GRIN2A: variants seen among roughly 807,000 people sequenced by gnomAD.
GRIN2A encodes the protein glutamate ionotropic receptor NMDA type subunit 2A, also known as glutamate receptor ionotropic, NMDA 2A.
In GRIN2A, 22 loss-of-function variants were observed where a neutral mutation model predicts 113.4. That is an observed-to-expected ratio of 0.19 (90% CI 0.14 to 0.28). The LOEUF is 0.28. GRIN2A is among the 10% of genes least tolerant of loss of function. GRIN2A has a pLI of 1.00. For missense variants in GRIN2A, 1,502 were observed against 1,887.0 expected, an observed-to-expected ratio of 0.80 and a Z score of 3.78; for synonymous variants, 827 against 738.4, an observed-to-expected ratio of 1.12 and a Z score of -1.94.
chr16:10,163,560 C>A (rs909228121), intron 2 of GRIN2A, among the ~76,000 whole-genome samples: 30 of 152,148 alleles, frequency 2.0e-4, no homozygotes, highest in African/African-American at 6.8e-4. Flanking sequence ...TGAAATGCTT[C>A]CGTTTTGCTT....
intron 2 of GRIN2A, among the ~76,000 whole-genome samples, chr16:9,943,596 C>G (rs2044943459): frequency 6.6e-6 from 1 of 152,142 alleles, no homozygotes; most frequent in Admixed American, 6.5e-5. Flanking sequence ...TCTCTTTGAT[C>G]CTAACTACTC....
In GRIN2A at chr16:9,998,707, A is replaced by G. The variant is rs118181673; in HGVS notation, c.415-60156T>C. On this transcript the variant is annotated intron_variant, in intron 2 of 12. Transcript: ENST00000330684. The stretch of plus-strand genomic sequence containing the variant: ...TATCTCTATGTATCTTTCTCAACTA[A>G]TTTCAGAATCAGTCTCACTCTTCTC... 9.8e-3 allele frequency among the ~76,000 whole-genome samples: 1,482 copies of G among 151,910 alleles called. 11 individuals carry two copies. The highest frequency in any genetic ancestry group is 0.016 in the Non-Finnish European group (1,079 of 67,924).
intron 10 of GRIN2A, among the ~76,000 whole-genome samples, chr16:9,807,550 CATCTAGCTGT>C (rs1359620954): frequency 6.6e-6 from 1 of 152,090 alleles, no homozygotes; most frequent in Non-Finnish European, 1.5e-5. Flanking sequence ...TGTCCAAGTC[CATCTAGCTGT>C]AAGTACTTTG....
chr16:9,788,021 C>T (rs749413200), intron 11 of GRIN2A, among the ~76,000 whole-genome samples: 2 of 152,106 alleles, frequency 1.3e-5, no homozygotes, highest in Admixed American at 6.6e-5. Context: ...ACACCGGAGC[C>T]GAGGAGAAGC....
intron 3 of GRIN2A, among the ~76,000 whole-genome samples, chr16:9,919,942 C>A (rs1208913246): frequency 6.6e-6 from 1 of 152,216 alleles, no homozygotes; most frequent in Non-Finnish European, 1.5e-5. Context: ...CAGGTATCTG[C>A]CAAATTTCAC....
chr16:10,080,104 C>T (rs1355778592), intron 2 of GRIN2A, among the ~76,000 whole-genome samples: 5 of 152,120 alleles, frequency 3.3e-5, no homozygotes, highest in African/African-American at 1.2e-4. Flanking sequence ...TTAATAAATG[C>T]CAATTACTGT....
At chr16:9,899,409 T>C (rs11649106) in intron 3 of GRIN2A, among the ~76,000 whole-genome samples, 41,538 of 124,598 alleles carry the variant, frequency 0.33, 8,073 homozygotes, top group African/African-American at 0.59. Flanking sequence ...CATTGCACTC[T>C]AGCCTGGGCA....
chr16:10,030,098 C>CAT (rs1892653916), intron 2 of GRIN2A, among the ~76,000 whole-genome samples: 1 of 152,110 alleles, frequency 6.6e-6, no homozygotes, highest in Admixed American at 6.6e-5. Flanking sequence ...AAAGCAAGCA[C>CAT]GGGCTATGTG....
intron 2 of GRIN2A, among the ~76,000 whole-genome samples, chr16:9,939,035 T>A (rs1394140138): frequency 2.0e-5 from 3 of 152,224 alleles, no homozygotes. Context: ...TGAGTTTCTA[T>A]GTTCATTTAA....
intron 2 of GRIN2A, among the ~76,000 whole-genome samples, chr16:10,020,243 C>T (rs1318543419): frequency 6.6e-6 from 1 of 152,166 alleles, no homozygotes; most frequent in African/African-American, 2.4e-5. Context: ...AAAACCCCAT[C>T]TCTACTAAAA....
intron 3 of GRIN2A, among the ~76,000 whole-genome samples, chr16:9,936,596 T>C (rs1381954620): frequency 1.3e-5 from 2 of 152,180 alleles, no homozygotes; most frequent in Non-Finnish European, 2.9e-5. Context: ...ACCATAATGA[T>C]GGGCCACAAG....
At chr16:9,914,538 A>C (rs2044204236) in intron 3 of GRIN2A, among the ~76,000 whole-genome samples, 1 of 152,248 alleles carries the variant, frequency 6.6e-6, no homozygotes, top group African/African-American at 2.4e-5. Flanking sequence ...GTTAAACCAC[A>C]GAAAATTTCC....
intron 2 of GRIN2A, among the ~76,000 whole-genome samples, chr16:9,976,932 T>C (rs1430341852): frequency 6.6e-6 from 1 of 152,198 alleles, no homozygotes; most frequent in Non-Finnish European, 1.5e-5. Context: ...GTTTTCTGCA[T>C]GTGTTCAGTT....
chr16:9,923,299 C>T (rs959830909), intron 3 of GRIN2A, among the ~76,000 whole-genome samples: 3 of 152,048 alleles, frequency 2.0e-5, no homozygotes, highest in East Asian at 1.9e-4. Context: ...TTAGTGTGTA[C>T]ATATTTTTCC....
chr16:10,062,508 ATC>A (rs2047566497), intron 2 of GRIN2A, among the ~76,000 whole-genome samples: 1 of 152,172 alleles, frequency 6.6e-6, no homozygotes, highest in Non-Finnish European at 1.5e-5. Context: ...ACATTCGGAA[ATC>A]TGTTTTCACA....
At chr16:10,079,906 C>T (rs1259004313) in intron 2 of GRIN2A, among the ~76,000 whole-genome samples, 1 of 152,088 alleles carries the variant, frequency 6.6e-6, no homozygotes, top group African/African-American at 2.4e-5. Context: ...ATCAGAGAAC[C>T]CTGGGTGCAA....
chr16:9,866,272 GA>G (rs1286501051), intron 4 of GRIN2A, among the ~76,000 whole-genome samples: 2 of 152,222 alleles, frequency 1.3e-5, no homozygotes, highest in Non-Finnish European at 2.9e-5. Flanking sequence ...AAGAAATCAT[GA>G]AGGAGTGCAA....
chr16:9,976,457 G>A (rs188446851), intron 2 of GRIN2A, among the ~76,000 whole-genome samples: 25 of 152,238 alleles, frequency 1.6e-4, no homozygotes, highest in Non-Finnish European at 3.4e-4. Flanking sequence ...TTTGTTGAAC[G>A]TTCCTTCCTC....
chr16:9,850,249 C>CT (rs977602984), intron 4 of GRIN2A, among the ~76,000 whole-genome samples: 24 of 152,296 alleles, frequency 1.6e-4, no homozygotes, highest in African/African-American at 5.8e-4. Flanking sequence ...TTCTAATGTT[C>CT]TGCCAGAGTT....
Sources: gnomAD v4.1 joint callset for allele counts (sites outside exome capture counted in the v4.1 genomes callset) on GRCh38, gnomAD v4.1.1 for gene constraint, MANE v1.5 for transcripts, NCBI Gene and HGNC (gene_info 2026-07-23, HGNC 2026-07-21) for gene names.